The following SNX25 variants were observed in gnomAD, a reference collection of about 807,000 sequenced individuals.
SNX25 encodes sorting nexin-25.
A neutral mutation model predicts 113.7 loss-of-function variants in SNX25; 62 were observed. The ratio of observed to expected loss-of-function variants is 0.55; its 90% CI spans 0.44 to 0.67. The LOEUF is 0.67. SNX25 is among the 30% of genes least tolerant of loss of function. The pLI, the probability that SNX25 is intolerant of heterozygous loss-of-function variation, is 0.00. For missense variants in SNX25, 1,014 were observed against 1,161.0 expected, an observed-to-expected ratio of 0.87 and a Z score of 1.84; for synonymous variants, 421 against 436.2, an observed-to-expected ratio of 0.97 and a Z score of 0.43.
intron 1 of SNX25, among the ~76,000 whole-genome samples, chr4:185,237,987 C>A (rs1742914110): frequency 7.2e-6 from 1 of 139,834 alleles, no homozygotes; most frequent in Non-Finnish European, 1.5e-5. Flanking sequence ...CACTTGAACT[C>A]AGGAGGCGGA....
At chr4:185,293,603 T>G (rs1752463312) in intron 6 of SNX25, among the ~76,000 whole-genome samples, 2 of 152,348 alleles carry the variant, frequency 1.3e-5, no homozygotes, top group Admixed American at 6.5e-5. Flanking sequence ...TGTTTTGATG[T>G]AGTATTTACA....
chr4:185,342,946 A>C (rs889633908), intron 12 of SNX25, among the ~76,000 whole-genome samples: 1 of 152,138 alleles, frequency 6.6e-6, no homozygotes. Context: ...GCTGGAGTCC[A>C]GTGGCGTGAT....
downstream of SNX25, chr4:185,372,747 C>A (rs979536586): frequency 3.5e-6 from 3 of 867,152 alleles, no homozygotes; most frequent in Non-Finnish European, 5.3e-6. Context: ...CTGGAGGTTG[C>A]AGCCCTCTCC....
chr4:185,369,430 G>A (rs558938544), intron 11 of SNX25, among the ~76,000 whole-genome samples: 2 of 151,848 alleles, frequency 1.3e-5, no homozygotes, highest in South Asian at 4.2e-4. Context: ...TTTTAGTAGA[G>A]ACCCAGTTTC....
At chr4:185,269,791 G>T (rs1164262121) in intron 5 of SNX25, among the ~76,000 whole-genome samples, 1 of 152,088 alleles carries the variant, frequency 6.6e-6, no homozygotes, top group African/African-American at 2.4e-5. Flanking sequence ...GCCCACACTG[G>T]AAACAAACTC....
At chr4:185,243,834 G>T (rs987955467) in intron 1 of SNX25, among the ~76,000 whole-genome samples, 9 of 152,078 alleles carry the variant, frequency 5.9e-5, no homozygotes, top group African/African-American at 2.2e-4. Flanking sequence ...TCTGTAACTA[G>T]GAAGATAAAA....
chr4:185,358,820 A>T (rs1429559923), intron 16 of SNX25, among the ~76,000 whole-genome samples: 2 of 152,238 alleles, frequency 1.3e-5, no homozygotes, highest in African/African-American at 4.8e-5. Flanking sequence ...TTTAAAAAAA[A>T]ATCACTTTTT....
intron 5 of SNX25, among the ~76,000 whole-genome samples, chr4:185,279,896 GT>G (rs996686724): frequency 2.6e-5 from 4 of 151,620 alleles, no homozygotes; most frequent in Admixed American, 6.6e-5. Context: ...TTGTTTTGTT[GT>G]TTTTTTTGTT....
chr4:185,366,127 G>A (rs140419974), downstream of SNX25: 7 of 152,292 alleles, frequency 4.6e-5, no homozygotes, highest in African/African-American at 1.7e-4. Context: ...ACCTGTCTTC[G>A]ATATGTATAT....
intron 1 of SNX25, among the ~76,000 whole-genome samples, chr4:185,216,143 CAT>C (rs1738770527): frequency 6.6e-6 from 1 of 152,016 alleles, no homozygotes; most frequent in Admixed American, 6.6e-5. Context: ...GTTGCACAAT[CAT>C]ATGATTTTAA....
intron 6 of SNX25, among the ~76,000 whole-genome samples, chr4:185,300,840 G>GACACACACACAC (rs58762122): frequency 0.2 from 27,401 of 140,456 alleles, 3,252 homozygotes; most frequent in East Asian, 0.34. Flanking sequence ...TGATTATTAT[G>GACACACACACAC]ACACACACAC....
intron 1 of SNX25, among the ~76,000 whole-genome samples, chr4:185,223,690 A>G (rs372179803): frequency 2.4e-4 from 37 of 151,708 alleles, no homozygotes; most frequent in African/African-American, 8.0e-4. Flanking sequence ...CTGAGGCAGG[A>G]GAATGGCATG....
chr4:185,368,943 G>A (rs528211549), downstream of SNX25, among the ~76,000 whole-genome samples: 6 of 151,244 alleles, frequency 4.0e-5, no homozygotes, highest in Non-Finnish European at 8.9e-5. Flanking sequence ...ATGGACATGC[G>A]TTACCATGAT....
intron 16 of SNX25, among the ~76,000 whole-genome samples, chr4:185,360,637 CTGTAACTGGTTAG>C (rs1300265649): frequency 6.6e-6 from 1 of 152,104 alleles, no homozygotes; most frequent in African/African-American, 2.4e-5. Flanking sequence ...AGCAGAGGAC[CTGTAACTGGTTAG>C]AATGTGACCA....
intron 2 of SNX25, among the ~76,000 whole-genome samples, chr4:185,249,654 G>A (rs987749212): frequency 1.4e-5 from 2 of 147,420 alleles, no homozygotes; most frequent in African/African-American, 5.0e-5. Flanking sequence ...AGATAGATAG[G>A]ATGATGATGA....
downstream of SNX25, chr4:185,370,819 G>A (rs956256420): frequency 6.2e-7 from 1 of 1,613,916 alleles, no homozygotes; most frequent in Non-Finnish European, 8.5e-7. Context: ...GCGATCCTGA[G>A]AGGATGTAGA....
intron 6 of SNX25, among the ~76,000 whole-genome samples, chr4:185,304,767 G>T (rs1409783564): frequency 6.6e-6 from 1 of 152,164 alleles, no homozygotes; most frequent in African/African-American, 2.4e-5. Context: ...GGTATTACAG[G>T]CATGAGCCAC....
At chr4:185,373,434 A>C (rs3822303), downstream of SNX25, among the ~76,000 whole-genome samples, 1 of 151,932 alleles carries the variant, frequency 6.6e-6, no homozygotes, top group Non-Finnish European at 1.5e-5. Context: ...GAGGAGGGGA[A>C]ACCACTGATG....
At chr4:185,378,447 A>G in the SNX25 span, 1 of 1,264,462 alleles carries the variant, frequency 7.9e-7, no homozygotes, top group South Asian at 2.0e-5. Flanking sequence ...TCACCATGAG[A>G]CCTGTTTGCA....
Sources: gnomAD v4.1 joint callset for allele counts (sites outside exome capture counted in the v4.1 genomes callset) on GRCh38, gnomAD v4.1.1 for gene constraint, MANE v1.5 for transcripts, NCBI Gene and HGNC (gene_info 2026-07-23, HGNC 2026-07-21) for gene names.